Variants in TANC2 observed in about 807,000 individuals in gnomAD.
The protein encoded by TANC2 is protein TANC2.
Under a neutral mutation model 210.5 loss-of-function variants are expected in TANC2, and 26 were observed. That is an observed-to-expected ratio of 0.12 (90% CI 0.09 to 0.17). The LOEUF (loss-of-function observed/expected upper bound fraction) is 0.17, where lower values mean the gene tolerates loss of function less well. Ranked by LOEUF, TANC2 falls within the 10% of genes least tolerant of loss-of-function variation. The pLI, the probability that TANC2 is intolerant of heterozygous loss-of-function variation, is 1.00. For synonymous variants in TANC2, 931 were observed against 967.1 expected, an observed-to-expected ratio of 0.96 and a Z score of 0.69; for missense variants, 2,129 against 2,608.9, an observed-to-expected ratio of 0.82 and a Z score of 4.01.
At chr17:63,347,221 C>G (rs902457001) in intron 12 of TANC2, among the ~76,000 whole-genome samples, 2 of 152,130 alleles carry the variant, frequency 1.3e-5, no homozygotes, top group Non-Finnish European at 2.9e-5. Flanking sequence ...TTGAATACTT[C>G]TTAGTATTAA....
At chr17:63,169,745 C>T (rs1391966644) in intron 5 of TANC2, among the ~76,000 whole-genome samples, 2 of 151,850 alleles carry the variant, frequency 1.3e-5, no homozygotes, top group East Asian at 1.9e-4. Flanking sequence ...ACCCGGGAGG[C>T]GGAGATTACA....
chr17:63,153,287 T>C (rs1469304484), intron 5 of TANC2: 6 of 152,190 alleles, frequency 3.9e-5, no homozygotes, highest in Admixed American at 2.0e-4. Context: ...ACATAGGATA[T>C]ACTAACACCA....
At chr17:63,368,498 G>A (rs958981202) in intron 14 of TANC2, among the ~76,000 whole-genome samples, 3 of 152,174 alleles carry the variant, frequency 2.0e-5, no homozygotes, top group African/African-American at 7.2e-5. Context: ...TTAGAAGCAT[G>A]AAACAGAATA....
intron 4 of TANC2, among the ~76,000 whole-genome samples, chr17:63,135,797 A>G (rs752743981): frequency 5.3e-5 from 8 of 152,214 alleles, no homozygotes; most frequent in Non-Finnish European, 1.2e-4. Flanking sequence ...ATTAGCCAAT[A>G]TATCCAAACT....
At chr17:63,179,653 G>GC (rs1598541987) in intron 5 of TANC2, among the ~76,000 whole-genome samples, 1 of 151,888 alleles carries the variant, frequency 6.6e-6, no homozygotes, top group South Asian at 2.1e-4. Flanking sequence ...TGTTGAATTG[G>GC]CAAGTCAAAC....
chr17:63,405,066 G>T, intron 19 of TANC2, 56 bp from the exon 20 acceptor site: 1 of 1,472,638 alleles, frequency 6.8e-7, no homozygotes, highest in East Asian at 2.3e-5. Context: ...CGTTTAACAT[G>T]GAGCGCTGGA....
intron 2 of TANC2, among the ~76,000 whole-genome samples, chr17:63,026,441 T>C (rs2034556498): frequency 6.6e-6 from 1 of 152,004 alleles, no homozygotes; most frequent in Non-Finnish European, 1.5e-5. Context: ...TAAGAGACAA[T>C]GAAAAGGCTC....
chr17:63,370,355 T>C (rs2047231001), intron 14 of TANC2, among the ~76,000 whole-genome samples: 1 of 151,994 alleles, frequency 6.6e-6, no homozygotes, highest in Admixed American at 6.6e-5. Flanking sequence ...ATTTTTTGTA[T>C]TTTTAGTAGA....
exon 4 of TANC2, chr17:63,099,319 C>G (rs947323694): frequency 3.9e-6 from 6 of 1,555,474 alleles, no homozygotes; most frequent in African/African-American, 1.4e-5. Flanking sequence ...ACACATCAGT[C>G]TATCAGTGTT....
At chr17:63,157,693 T>G (rs2039884980) in intron 5 of TANC2, among the ~76,000 whole-genome samples, 1 of 151,982 alleles carries the variant, frequency 6.6e-6, no homozygotes, top group Admixed American at 6.6e-5. Flanking sequence ...TTAAAATATG[T>G]AAAATAAAAA....
intron 2 of TANC2, among the ~76,000 whole-genome samples, chr17:63,067,747 A>G (rs2036253273): frequency 6.6e-6 from 1 of 152,152 alleles, no homozygotes; most frequent in East Asian, 1.9e-4. Context: ...AGATCCATAG[A>G]AATTATCCAA....
At chr17:63,295,822 C>T (rs974531844) in intron 9 of TANC2, among the ~76,000 whole-genome samples, 4 of 152,134 alleles carry the variant, frequency 2.6e-5, no homozygotes, top group African/African-American at 9.7e-5. Flanking sequence ...CCCTATAAGA[C>T]TAATTAGACT....
intron 1 of TANC2, among the ~76,000 whole-genome samples, chr17:63,002,139 ACAGAGTTG>A (rs2033415255): frequency 6.6e-6 from 1 of 152,118 alleles, no homozygotes; most frequent in Admixed American, 6.5e-5. Flanking sequence ...AAATCATACC[ACAGAGTTG>A]CCCTCCCCTG....
intron 14 of TANC2, among the ~76,000 whole-genome samples, chr17:63,357,187 G>A (rs2046805485): frequency 6.6e-6 from 1 of 152,192 alleles, no homozygotes; most frequent in African/African-American, 2.4e-5. Context: ...TTTGAGATCA[G>A]TTCCCAGAGA....
intron 14 of TANC2, among the ~76,000 whole-genome samples, chr17:63,376,156 G>A (rs780717186): frequency 7.2e-5 from 11 of 152,012 alleles, no homozygotes; most frequent in South Asian, 2.1e-4. Context: ...GTTCAGGGCC[G>A]GGTGCGGTGG....
intron 3 of TANC2, among the ~76,000 whole-genome samples, chr17:63,084,155 T>C (rs1274188404): frequency 6.6e-6 from 1 of 152,222 alleles, no homozygotes; most frequent in Non-Finnish European, 1.5e-5. Flanking sequence ...TGATTAAATT[T>C]ATTTAATAGT....
chr17:63,202,025 C>G (rs1487852289), intron 7 of TANC2, among the ~76,000 whole-genome samples: 1 of 151,952 alleles, frequency 6.6e-6, no homozygotes, highest in Non-Finnish European at 1.5e-5. Flanking sequence ...ATTGTGATTA[C>G]TCTTTGGGAC....
In TANC2 at chr17:63,351,276, A is replaced by G. The variant is rs2046599417; in HGVS notation, c.1834A>G (p.Ile612Val). 2.5e-6 allele frequency: 4 copies of G among 1,607,218 alleles called. No individual in the cohort carries two copies. Among genetic ancestry groups the G allele is most frequent in the South Asian group, 2.2e-5 (2 of 89,472 alleles). The change falls in exon 13 of 28, where the codon ATC becomes GTC. Residue 612 changes from isoleucine (I) to valine (V), a missense_variant. Ile to Val is a conservative substitution (Grantham distance 29, BLOSUM62 3). Transcript: ENST00000689528. ...GAGAAAAATCCCAGATGAAGATTTC[A>G]TCATTTTAATTGATGGATTAAATGA...
chr17:63,136,655 C>T (rs998054135), intron 4 of TANC2, among the ~76,000 whole-genome samples: 4 of 152,164 alleles, frequency 2.6e-5, no homozygotes, highest in Non-Finnish European at 5.9e-5. Context: ...ATTAAAATAA[C>T]AATGAGAGGC....
Sources: gnomAD v4.1 joint callset for allele counts (sites outside exome capture counted in the v4.1 genomes callset) on GRCh38, gnomAD v4.1.1 for gene constraint, MANE v1.5 for transcripts, NCBI Gene and HGNC (gene_info 2026-07-23, HGNC 2026-07-21) for gene names.